ATP8B4: variants seen among roughly 807,000 people sequenced by gnomAD.
ATP8B4 encodes probable phospholipid-transporting ATPase IM.
In ATP8B4, 133 loss-of-function variants were observed where a neutral mutation model predicts 145.6. That is an observed-to-expected ratio of 0.91 (90% confidence interval 0.79 to 1.05). The LOEUF (loss-of-function observed/expected upper bound fraction) is 1.05, where lower values mean the gene tolerates loss of function less well. Ranked by LOEUF, ATP8B4 falls within the 50% of genes least tolerant of loss-of-function variation. ATP8B4 has a pLI of 0.00. For synonymous variants in ATP8B4, 507 were observed against 492.9 expected (o/e 1.03, Z -0.38); for missense variants, 1,458 against 1,425.2 (o/e 1.02, Z -0.37).
At position 49,858,402 on chromosome 15, in the gene ATP8B4, CT is replaced by C. The variant is rs2031066533; in HGVS notation, c.*1791del. On this transcript the variant is annotated 3_prime_UTR_variant, in exon 28 of 28. Transcript: ENST00000284509. ...GAAAGACAACGTCCATAGGCAGTTA[CT>C]ATGGTAAAGGACTGCATTTGACTCT... is the stretch of plus-strand genomic sequence containing the variant. The C allele has an allele frequency of 6.6e-6, 1 of 152,212 alleles. No individual in the cohort carries two copies. Among genetic ancestry groups the C allele is most frequent in the Non-Finnish European group, 1.5e-5 (1 of 68,032 alleles). The allele number at this position is 152,212 out of a possible 1,614,324, so 9.4% of individuals were successfully genotyped here. A position where few individuals can be genotyped will look rare whatever the true frequency, so the allele number is the denominator to read the frequency against.
chr15:49,968,381 C>T lies in ATP8B4; in HGVS notation c.1243+4201G>A, dbSNP rs2044752123. On this transcript the variant is annotated intron_variant, in intron 13 of 27. Transcript: ENST00000284509. Reference sequence around the variant, plus strand: ...GGTGTGCTGTATTCAGGAGAGCCATCTCATGTGCAAAGACACACATAGGCT... The same window carrying T: ...GGTGTGCTGTATTCAGGAGAGCCATTTCATGTGCAAAGACACACATAGGCT... 2.0e-5 allele frequency among the ~76,000 whole-genome samples: 3 copies of T among 152,048 alleles called. No homozygotes were observed. The South Asian group carries it at 6.2e-4, about 32-fold the overall frequency.
chr15:49,949,083 G>A (rs1044854955), intron 14 of ATP8B4, among the ~76,000 whole-genome samples: 1 of 152,178 alleles, frequency 6.6e-6, no homozygotes, highest in Non-Finnish European at 1.5e-5. Context: ...TGGTAGTATA[G>A]TTTGAAGTCA....
upstream of ATP8B4, among the ~76,000 whole-genome samples, chr15:50,120,716 A>T (rs938558221): frequency 6.6e-6 from 1 of 152,220 alleles, no homozygotes; most frequent in African/African-American, 2.4e-5. Flanking sequence ...CAACAAAAAA[A>T]CACCTAAAAA....
Position 49,860,288 on chromosome 15 carries a change from G to A in ATP8B4, c.3485C>T (p.Thr1162Ile), listed in dbSNP as rs763580452. Residue 1162 changes from threonine to isoleucine, a missense_variant, in exon 28 of 28, where the codon ACA becomes ATA. Transcript: ENST00000284509. ...AATCCAGCTAGTGCTATTATAATGT[G>A]TCTTTTCCAGCCCTGATGTTGGGGG... Reference protein sequence around the residue: ...NPPPTSGLEKTHYNSTSWIEN... With the variant: ...NPPPTSGLEKIHYNSTSWIEN... The A allele has an allele frequency of 6.2e-7, 1 of 1,614,156 alleles. No individual in the cohort carries two copies. The highest frequency in any genetic ancestry group is 1.1e-5 in the South Asian group (1 of 91,082).
intron 14 of ATP8B4, among the ~76,000 whole-genome samples, chr15:49,960,174 C>T (rs903869270): frequency 6.6e-6 from 1 of 151,972 alleles, no homozygotes; most frequent in Non-Finnish European, 1.5e-5. Flanking sequence ...ACTATAGGCA[C>T]CACCACCACG....
intron 9 of ATP8B4, among the ~76,000 whole-genome samples, chr15:49,989,261 A>G (rs2046867134): frequency 6.6e-6 from 1 of 152,192 alleles, no homozygotes; most frequent in Admixed American, 6.6e-5. Context: ...TGAATTCAGT[A>G]TCTTTTTTTC....
intron 12 of ATP8B4, among the ~76,000 whole-genome samples, chr15:49,973,083 G>A (rs1260351293): frequency 2.0e-5 from 3 of 152,236 alleles, no homozygotes; most frequent in Non-Finnish European, 4.4e-5. Context: ...TTTGTGTGTA[G>A]TGTATTATTT....
At chr15:49,973,085 G>A (rs981327927) in intron 12 of ATP8B4, among the ~76,000 whole-genome samples, 9 of 152,166 alleles carry the variant, frequency 5.9e-5, no homozygotes, top group South Asian at 2.1e-4. Context: ...TGTGTGTAGT[G>A]TATTATTTTG....
intron 14 of ATP8B4, among the ~76,000 whole-genome samples, chr15:49,947,738 A>G (rs2042702349): frequency 6.6e-6 from 1 of 152,174 alleles, no homozygotes; most frequent in Non-Finnish European, 1.5e-5. Flanking sequence ...AGCTACAGTC[A>G]TCAAAGCAGT....
intron 2 of ATP8B4, among the ~76,000 whole-genome samples, chr15:50,077,953 G>A (rs2054289438): frequency 6.6e-6 from 1 of 152,102 alleles, no homozygotes; most frequent in Admixed American, 6.6e-5. Flanking sequence ...TCAAAGGAGA[G>A]GCCTGGCAGA....
At chr15:49,917,113 AG>A in intron 19 of ATP8B4, 74 bp from the exon 20 acceptor site, 1 of 1,418,640 alleles carries the variant, frequency 7.0e-7, no homozygotes, top group South Asian at 1.2e-5. Context: ...GAAAGTTTTG[AG>A]GGCTTAGCTG....
chr15:50,160,468 G>A (rs543095842), intron 1 of ATP8B4, among the ~76,000 whole-genome samples: 14 of 147,800 alleles, frequency 9.5e-5, no homozygotes, highest in East Asian at 5.9e-4. Context: ...AAGGTGTATC[G>A]TTAAGTTGTT....
chr15:50,101,438 CT>C (rs1003252823), intron 2 of ATP8B4, among the ~76,000 whole-genome samples: 1 of 151,850 alleles, frequency 6.6e-6, no homozygotes, highest in African/African-American at 2.4e-5. Flanking sequence ...GCAGAAGTAG[CT>C]ATTCTCATAA....
intron 6 of ATP8B4, among the ~76,000 whole-genome samples, chr15:50,014,941 A>G (rs2153574951): frequency 1.3e-5 from 2 of 152,312 alleles, no homozygotes; most frequent in Middle Eastern, 6.8e-3. Context: ...GTACCAGGAT[A>G]TTTATTGCAG....
chr15:50,023,418 G>T (rs2049743526), intron 6 of ATP8B4, among the ~76,000 whole-genome samples: 1 of 152,048 alleles, frequency 6.6e-6, no homozygotes, highest in African/African-American at 2.4e-5. Flanking sequence ...AAGCAAATCT[G>T]CAGGCCAATT....
In ATP8B4 at chr15:49,915,005, C is replaced by A. The variant is rs117241538; in HGVS notation, c.2141+1929G>T. 4.2e-3 allele frequency among the ~76,000 whole-genome samples: 634 copies of A among 152,152 alleles called. 3 individuals carry two copies. The highest frequency in any genetic ancestry group is 0.01 in the Middle Eastern group (3 of 294). ...TTACTATATCAAAGGGATATCTGCA[C>A]CCCATGTTTACTGTAGCACTACTCA... On this transcript the variant is annotated intron_variant, in intron 20 of 27. Transcript: ENST00000284509.
At chr15:49,974,319 C>T (rs1423168826) in intron 12 of ATP8B4, among the ~76,000 whole-genome samples, 1 of 151,754 alleles carries the variant, frequency 6.6e-6, no homozygotes, top group Admixed American at 6.6e-5. Flanking sequence ...CGAACTACTG[C>T]CCTCAGGTGA....
intron 1 of ATP8B4, among the ~76,000 whole-genome samples, chr15:50,131,521 G>T (rs2044047036): frequency 2.6e-5 from 4 of 152,042 alleles, no homozygotes; most frequent in Admixed American, 6.5e-5. Context: ...ATTCGCTAGA[G>T]GAGCTGGTGT....
chr15:50,067,209 T>C (rs996643044), intron 3 of ATP8B4, among the ~76,000 whole-genome samples: 1 of 152,198 alleles, frequency 6.6e-6, no homozygotes, highest in African/African-American at 2.4e-5. Context: ...ACTTACGTTC[T>C]GTGTTAACCT....
Sources: allele counts gnomAD v4.1 joint callset (sites outside exome capture counted in the v4.1 genomes callset), GRCh38; gene constraint gnomAD v4.1.1; transcripts MANE v1.5; gene names NCBI Gene and HGNC (gene_info 2026-07-23, HGNC 2026-07-21).